CCAR1: variants seen among roughly 807,000 people sequenced by gnomAD.
CCAR1 encodes cell division cycle and apoptosis regulator protein 1.
In CCAR1, 78 loss-of-function variants were observed where a neutral mutation model predicts 163.8. The ratio of observed to expected loss-of-function variants is 0.48; its 90% CI spans 0.40 to 0.57. CCAR1 has a LOEUF of 0.57. Ranked by LOEUF, CCAR1 falls within the 20% of genes least tolerant of loss-of-function variation. CCAR1 has a pLI of 0.00. For missense variants in CCAR1, 1,019 were observed against 1,365.2 expected (o/e 0.75, Z 4.00); for synonymous variants, 443 against 460.7 (o/e 0.96, Z 0.49).
intron 5 of CCAR1, 104 bp downstream of exon 5, chr10:68,740,765 T>G: frequency 7.1e-6 from 6 of 847,194 alleles, no homozygotes; most frequent in Non-Finnish European, 1.1e-5. Flanking sequence ...ACTTGTTAGA[T>G]TCACCTAATA....
At chr10:68,737,498 C>CAAAA (rs1200590065) in intron 3 of CCAR1, among the ~76,000 whole-genome samples, 2 of 64,478 alleles carry the variant, frequency 3.1e-5, no homozygotes, top group Non-Finnish European at 7.9e-5. Flanking sequence ...ACCCTGTGTC[C>CAAAA]AAAAAAAAAA....
intron 13 of CCAR1, among the ~76,000 whole-genome samples, chr10:68,755,790 T>C (rs2056391521): frequency 6.6e-6 from 1 of 152,238 alleles, no homozygotes; most frequent in African/African-American, 2.4e-5. Flanking sequence ...GTTGGATGTA[T>C]GTTGAAAATA....
At chr10:68,773,716 T>A (rs1344851124) in intron 19 of CCAR1, among the ~76,000 whole-genome samples, 1 of 152,096 alleles carries the variant, frequency 6.6e-6, no homozygotes, top group African/African-American at 2.4e-5. Flanking sequence ...ACTAATTTTT[T>A]ATTTTTTTAA....
intron 15 of CCAR1, among the ~76,000 whole-genome samples, chr10:68,757,657 C>G (rs1252405223): frequency 6.6e-6 from 1 of 151,928 alleles, no homozygotes; most frequent in African/African-American, 2.4e-5. Flanking sequence ...ATCAGGTGAT[C>G]CACCTGCCTC....
At chr10:68,736,174 T>G (rs1232503236) in intron 2 of CCAR1, among the ~76,000 whole-genome samples, 1 of 152,150 alleles carries the variant, frequency 6.6e-6, no homozygotes, top group East Asian at 1.9e-4. Flanking sequence ...TTTTCAAAAT[T>G]AGAAATTTTT....
chr10:68,766,782 C>A (rs2056541148), intron 17 of CCAR1, among the ~76,000 whole-genome samples: 1 of 152,244 alleles, frequency 6.6e-6, no homozygotes, highest in African/African-American at 2.4e-5. Context: ...GCCTCAGCCT[C>A]CCAAAGTGCT....
chr10:68,776,728 T>C (rs1352516615), intron 19 of CCAR1, among the ~76,000 whole-genome samples: 1 of 152,130 alleles, frequency 6.6e-6, no homozygotes, highest in Non-Finnish European at 1.5e-5. Flanking sequence ...GTTTAATTTT[T>C]TGTAGAGATG....
At chr10:68,757,685 G>A in intron 15 of CCAR1, among the ~76,000 whole-genome samples, 1 of 152,056 alleles carries the variant, frequency 6.6e-6, no homozygotes, top group Non-Finnish European at 1.5e-5. Context: ...CAAAGTGCTG[G>A]GATTACAGGC....
At chr10:68,786,799 T>A in intron 21 of CCAR1, 107 bp downstream of exon 21, 1 of 997,518 alleles carries the variant, frequency 1.0e-6, no homozygotes, top group Non-Finnish European at 1.5e-6. Context: ...TAAAGCAATA[T>A]AAGGGCCAGG....
chr10:68,781,270 C>T (rs1477529746), intron 19 of CCAR1, among the ~76,000 whole-genome samples: 3 of 151,690 alleles, frequency 2.0e-5, no homozygotes, highest in Non-Finnish European at 4.4e-5. Context: ...ATTACAGGTG[C>T]GGTGGCTCAT....
intron 18 of CCAR1, 50 bp downstream of exon 18, chr10:68,771,495 A>T: frequency 1.4e-6 from 2 of 1,446,508 alleles, no homozygotes; most frequent in East Asian, 2.3e-5. Context: ...CTTCTAGGTT[A>T]TAAAGGTTGA....
rs1001571717 is a variant in CCAR1, at chr10:68,756,666, TATC to T, written c.1836+184_1836+186del. On this transcript the variant is annotated intron_variant, in intron 14 of 24. Coordinates refer to ENST00000265872, the MANE Select transcript of CCAR1 (RefSeq NM_018237.4). This position sits in a 1 kb window ranked among gnomAD's most constrained non-coding sequence, Gnocchi z 5.1. ...TTTTCTCTTAAAATTTCTGTCTTAT[TATC>T]CTAACTTTAAGAGTGCTGAGACCTC... is the stretch of plus-strand genomic sequence containing the variant. 2 of 687,910 alleles carry T rather than the reference TATC, an allele frequency of 2.9e-6. No individual in the cohort carries two copies. Among genetic ancestry groups the T allele is most frequent in the Non-Finnish European group, 5.3e-6 (2 of 378,876 alleles). 42.6% of individuals were successfully genotyped at this position (687,910 alleles called of 1,614,324 possible). A position where few individuals can be genotyped will look rare whatever the true frequency, so the allele number is the denominator to read the frequency against.
rs758152383 is a variant in CCAR1 at position 68,747,493 on chromosome 10, G to C, written c.753G>C (p.Gln251His). 26 of 1,614,068 alleles carry C rather than the reference G, an allele frequency of 1.6e-5. No individual in the cohort carries two copies. The highest frequency in any genetic ancestry group is 2.2e-5 in the Non-Finnish European group (26 of 1,180,038). The part of the protein sequence containing the change: ...QPQPQSLLQA[Q>H]ISAASITPLL... ...AGCCCCAGTCACTGCTGCAGGCACA[G>C]ATTTCAGCAGCTTCTATTACACCAC... The change falls in exon 8 of 25, where the codon CAG (glutamine) becomes CAC (histidine). Residue 251 changes from glutamine (Q) to histidine (H), a missense_variant. Gln to His is a conservative substitution (Grantham distance 24, BLOSUM62 0). Around this residue, in one of 4 missense-constraint regions of CCAR1, gnomAD observed 644 missense variants for 904.4 expected, o/e 0.71. Coordinates refer to ENST00000265872, the MANE Select transcript of CCAR1 (RefSeq NM_018237.4).
intron 2 of CCAR1, among the ~76,000 whole-genome samples, chr10:68,733,928 T>C (rs943858950): frequency 2.0e-5 from 3 of 152,164 alleles, no homozygotes; most frequent in African/African-American, 7.2e-5. Context: ...CCTCCCAAAG[T>C]GCTGGGATTA....
chr10:68,724,880 T>A (rs910462626), intron 2 of CCAR1, among the ~76,000 whole-genome samples: 15 of 152,214 alleles, frequency 9.9e-5, no homozygotes, highest in African/African-American at 3.4e-4. Context: ...GGCTCACTCC[T>A]GTAATCCCAG....
At chr10:68,787,092 A>G (rs184329540) in intron 21 of CCAR1, 1 of 161,188 alleles carries the variant, frequency 6.2e-6, no homozygotes, top group Non-Finnish European at 1.3e-5. Flanking sequence ...CTCAAAAAAT[A>G]AAAATAAAGC....
rs1350889519 is a variant in CCAR1, at chr10:68,755,480, T to C, written c.1569T>C (p.Thr523=). ...AAGATCCCTCTGTGTTGATTAAGAC[T>C]GCTATTCGTTGTTGTAAGGCTCTGA... ...PEKDPSVLIK[T]AIRCCKALTG... The change falls in exon 13 of 25, where the codon ACT becomes ACC. Residue 523 remains threonine, a synonymous_variant. Transcript: ENST00000265872. 6.2e-7 allele frequency: 1 copy of C among 1,614,190 alleles called. No individual in the cohort carries two copies. Among genetic ancestry groups the C allele is most frequent in the Admixed American group, 1.7e-5 (1 of 60,026 alleles).
intron 24 of CCAR1, among the ~76,000 whole-genome samples, chr10:68,790,826 C>T (rs2056844652): frequency 6.7e-6 from 1 of 149,358 alleles, no homozygotes; most frequent in Non-Finnish European, 1.5e-5. Context: ...AAAACCCCGT[C>T]TCTACTAAAA....
chr10:68,757,337 C>A lies in CCAR1; in HGVS notation c.1880C>A (p.Thr627Lys). ...KDDGEAKEIS[T>K]PTHWSKLDPK... ...GATGGTGAAGCTAAAGAAATTTCTACACCTACCCATTGGTCTAAACTTGAT... is the reference window on the plus strand; with the variant it reads ...GATGGTGAAGCTAAAGAAATTTCTAAACCTACCCATTGGTCTAAACTTGAT... The change falls in exon 15 of 25, where the codon ACA becomes AAA. Residue 627 changes from threonine to lysine, a missense_variant. Around this residue, in one of 4 missense-constraint regions of CCAR1, gnomAD observed 644 missense variants for 904.4 expected, o/e 0.71. Transcript: ENST00000265872. 6.3e-7 allele frequency: 1 copy of A among 1,591,394 alleles called. No homozygotes were observed. Among genetic ancestry groups the A allele is most frequent in the Non-Finnish European group, 8.6e-7 (1 of 1,159,864 alleles).
Sources: allele counts gnomAD v4.1 joint callset (sites outside exome capture counted in the v4.1 genomes callset), GRCh38; gene constraint gnomAD v4.1.1; regional missense constraint gnomAD v4.1.1; non-coding constraint Gnocchi (gnomAD v3.1); transcripts MANE v1.5; gene names NCBI Gene and HGNC (gene_info 2026-07-23, HGNC 2026-07-21).